The following ADSS1 variants were observed in gnomAD, a reference collection of about 807,000 sequenced individuals.
ADSS1 encodes adenylosuccinate synthetase isozyme 1.
In ADSS1, 57 loss-of-function variants were observed where a neutral mutation model predicts 59.1. The ratio of observed to expected loss-of-function variants is 0.97; its 90% confidence interval spans 0.78 to 1.20. The LOEUF (loss-of-function observed/expected upper bound fraction) is 1.20, where lower values mean the gene tolerates loss of function less well. Among genes scored for constraint, ADSS1 ranks in the 50% most tolerant of loss-of-function variants. The probability of loss-of-function intolerance (pLI) is 0.00; values close to 1 mark genes in which losing one functional copy is unlikely to be tolerated. For synonymous variants in ADSS1, 247 were observed against 249.4 expected (o/e 0.99, Z 0.09); for missense variants, 603 against 610.3 (o/e 0.99, Z 0.13).
At chr14:104,746,881 C>A in intron 12 of ADSS1, 70 bp from the exon 13 acceptor site, 1 of 1,511,272 alleles carries the variant, frequency 6.6e-7, no homozygotes, top group Non-Finnish European at 9.2e-7. Context: ...AAAGATACGA[C>A]ACTAAAGACA....
chr14:104,739,575 A>G lies in ADSS1; in HGVS notation c.410-175A>G. On this transcript the variant is annotated intron_variant, in intron 4 of 12. Transcript: ENST00000330877. Reference sequence around the variant, plus strand: ...GGTCAGGGGTCACTAGCCCATTTGCAGGTGGGGAGACTGAGCCCCAGACAC... The same window carrying G: ...GGTCAGGGGTCACTAGCCCATTTGCGGGTGGGGAGACTGAGCCCCAGACAC... 3 of 889,902 alleles carry G rather than the reference A, an allele frequency of 3.4e-6. No homozygotes were observed. In the South Asian group the frequency reaches 4.9e-5, roughly 15 times the overall value. 55.1% of individuals were successfully genotyped at this position (889,902 alleles called of 1,614,324 possible). A position where few individuals can be genotyped will look rare whatever the true frequency, so the allele number is the denominator to read the frequency against.
intron 1 of ADSS1, among the ~76,000 whole-genome samples, chr14:104,730,959 G>C (rs1410764012): frequency 4.2e-5 from 1 of 24,082 alleles, no homozygotes; most frequent in Admixed American, 4.2e-4. Flanking sequence ...GGCAGAGAGT[G>C]GGGGGGGGGG....
chr14:104,730,044 C>G (rs1238437008), intron 1 of ADSS1: 1 of 1,577,016 alleles, frequency 6.3e-7, no homozygotes, highest in Non-Finnish European at 8.6e-7. Context: ...AGTGGCCACT[C>G]CGTGCCAGCT....
intron 9 of ADSS1, among the ~76,000 whole-genome samples, chr14:104,742,329 G>A (rs1038411404): frequency 2.0e-5 from 3 of 152,264 alleles, no homozygotes; most frequent in African/African-American, 4.8e-5. Context: ...ACCCTCATTC[G>A]GGGTAGCTGG....
In ADSS1 at chr14:104,743,274, G is replaced by C. The variant is rs533803488; in HGVS notation, c.1073+83G>C. 3.5e-5 allele frequency: 54 copies of C among 1,561,802 alleles called. No individual in the cohort carries two copies. The African/African-American group carries it at 7.3e-4, about 21-fold the overall frequency. On this transcript the variant is annotated intron_variant, in intron 10 of 12. Transcript: ENST00000330877. Reference sequence around the variant, plus strand: ...GAGGCAAGCAGCACTTGACGCAGGGGCTGAGGGCCACCAAGTCTCCTTGGA... The same window carrying C: ...GAGGCAAGCAGCACTTGACGCAGGGCCTGAGGGCCACCAAGTCTCCTTGGA...
chr14:104,731,057 CAGGT>C (rs200822288), intron 1 of ADSS1, among the ~76,000 whole-genome samples: 2,287 of 109,536 alleles, frequency 0.021, 51 homozygotes, highest in African/African-American at 0.072. Flanking sequence ...AACCTGGAGG[CAGGT>C]AGAGAGCGCC....
At position 104,747,031 on chromosome 14, in the gene ADSS1, C is replaced by T; in HGVS notation, c.*28C>T. ...ACAGACTGAGCTGATCCCAACAGGC[C>T]CTGGCAGCGTCTGGACTTGTGTAAA... On this transcript the variant is annotated 3_prime_UTR_variant, in exon 13 of 13. Coordinates refer to ENST00000330877, the MANE Select transcript of ADSS1 (RefSeq NM_152328.5). The T allele has an allele frequency of 6.2e-7, 1 of 1,602,374 alleles. No homozygotes were observed. The highest frequency in any genetic ancestry group is 8.5e-7 in the Non-Finnish European group (1 of 1,170,574).
chr14:104,730,558 G>A (rs527737753), intron 1 of ADSS1, among the ~76,000 whole-genome samples: 1 of 152,178 alleles, frequency 6.6e-6, no homozygotes, highest in Non-Finnish European at 1.5e-5. Context: ...GGAGACTATA[G>A]ATAGATAGAT....
chr14:104,729,956 C>T lies in ADSS1; in HGVS notation c.193-5064C>T, dbSNP rs1227430487. 2 of 1,585,408 alleles carry T rather than the reference C, an allele frequency of 1.3e-6. No individual in the cohort carries two copies. Among genetic ancestry groups the T allele is most frequent in the Non-Finnish European group, 1.7e-6 (2 of 1,166,120 alleles). Reference sequence around the variant, plus strand: ...AGGAGGTGGGCAGAGGCCCACGAACCTGGCCCTGACCCTCAGCTCGTCCCC... The same window carrying T: ...AGGAGGTGGGCAGAGGCCCACGAACTTGGCCCTGACCCTCAGCTCGTCCCC... On this transcript the variant is annotated intron_variant, in intron 1 of 12. Coordinates refer to ENST00000330877, the MANE Select transcript of ADSS1 (RefSeq NM_152328.5).
In ADSS1 at chr14:104,746,926, A is replaced by G. The variant is rs1181644985; in HGVS notation, c.1322-25A>G. 8 of 1,613,550 alleles carry G rather than the reference A, an allele frequency of 5.0e-6. No individual in the cohort carries two copies. In the Admixed American group the frequency reaches 5.0e-5, roughly 10 times the overall value. On this transcript the variant is annotated intron_variant, in intron 12 of 12. Transcript: ENST00000330877. ...GAACTTTCTGCCTCCAGTGTGTATCATAACAGTCTTTTCTGCTCTCTCAGT... is the reference window on the plus strand; with the variant it reads ...GAACTTTCTGCCTCCAGTGTGTATCGTAACAGTCTTTTCTGCTCTCTCAGT...
intron 1 of ADSS1, among the ~76,000 whole-genome samples, chr14:104,727,006 C>G (rs1412536382): frequency 6.6e-6 from 1 of 152,212 alleles, no homozygotes; most frequent in East Asian, 1.9e-4. Context: ...ACCAGCAGAG[C>G]CATCACTTCG....
At chr14:104,744,716 TGTAA>T in intron 10 of ADSS1, 92 bp from the exon 11 acceptor site, 2 of 1,201,644 alleles carry the variant, frequency 1.7e-6, no homozygotes, top group Non-Finnish European at 1.2e-6. Context: ...GGACCCCTGC[TGTAA>T]GTAACAGAAG....
chr14:104,736,006 C>T (rs1398830699), intron 2 of ADSS1, among the ~76,000 whole-genome samples: 4 of 152,216 alleles, frequency 2.6e-5, no homozygotes, highest in Non-Finnish European at 4.4e-5. Flanking sequence ...TCAGGCGCCT[C>T]AGGTGTGTGC....
At chr14:104,737,926 C>G (rs1466409017) in intron 2 of ADSS1, 1 of 177,036 alleles carries the variant, frequency 5.6e-6, no homozygotes, top group African/African-American at 2.4e-5. Context: ...ATGGACAGCT[C>G]TTGGCTACTC....
intron 11 of ADSS1, 132 bp downstream of exon 11, chr14:104,745,041 T>A: frequency 1.3e-6 from 1 of 745,836 alleles, no homozygotes; most frequent in Non-Finnish European, 2.2e-6. Context: ...TTGTCTCCAG[T>A]GACCAGCCTC....
chr14:104,725,721 C>T (rs551553284), intron 1 of ADSS1, among the ~76,000 whole-genome samples: 1 of 152,310 alleles, frequency 6.6e-6, no homozygotes, highest in African/African-American at 2.4e-5. Context: ...TCCTGGGCCG[C>T]CAGGGGGCAT....
At chr14:104,744,711 C>A in intron 10 of ADSS1, 101 bp from the exon 11 acceptor site, 1 of 1,134,136 alleles carries the variant, frequency 8.8e-7, no homozygotes, top group African/African-American at 1.5e-5. Flanking sequence ...ACTGGGGACC[C>A]CTGCTGTAAG....
At position 104,724,258 on chromosome 14, in the gene ADSS1, G is replaced by T; in HGVS notation, c.-13G>T. ...TCCTGGCCGGGCCAGCGCAGCGGAA[G>T]AGCCAAGCCAGCATGTCGGGGACCC... On this transcript the variant is annotated 5_prime_UTR_variant, in exon 1 of 13. Transcript: ENST00000330877. The T allele has an allele frequency of 8.2e-7, 1 of 1,226,574 alleles. No individual in the cohort carries two copies. Among genetic ancestry groups the T allele is most frequent in the African/African-American group, 1.6e-5 (1 of 64,150 alleles). The allele number at this position is 1,226,574 out of a possible 1,614,324, so 76.0% of individuals were successfully genotyped here.
At chr14:104,728,228 G>A (rs1452304004) in intron 1 of ADSS1, among the ~76,000 whole-genome samples, 1 of 152,182 alleles carries the variant, frequency 6.6e-6, no homozygotes, top group African/African-American at 2.4e-5. Context: ...CTGGGAGTCA[G>A]AGGGGCAGCT....
Sources: allele counts gnomAD v4.1 joint callset (sites outside exome capture counted in the v4.1 genomes callset), GRCh38; gene constraint gnomAD v4.1.1; transcripts MANE v1.5; gene names NCBI Gene and HGNC (gene_info 2026-07-23, HGNC 2026-07-21).